The following ADARB2 variants were observed in gnomAD, a reference collection of about 807,000 sequenced individuals.
ADARB2 encodes inactive double-stranded RNA-specific editase B2.
A neutral mutation model predicts 62.2 loss-of-function variants in ADARB2; 25 were observed. The ratio of observed to expected loss-of-function variants is 0.40; its 90% CI spans 0.29 to 0.56. ADARB2 has a LOEUF of 0.56. ADARB2 is among the 20% of genes least tolerant of loss of function. ADARB2 has a pLI of 0.43. For missense variants in ADARB2, 1,071 were observed against 1,077.4 expected (o/e 0.99, Z 0.08); for synonymous variants, 572 against 500.8 (o/e 1.14, Z -1.90).
rs1831415113 is a variant in ADARB2, at chr10:1,477,343, C to T, written c.101-98183G>A. Among the ~76,000 whole-genome samples the T allele has an allele frequency of 6.6e-6, 1 of 152,156 alleles. No individual in the cohort carries two copies. The highest frequency in any genetic ancestry group is 2.1e-4 in the South Asian group (1 of 4,830). On this transcript the variant is annotated intron_variant, in intron 1 of 9. Transcript: ENST00000381312. The surrounding 1 kb of genome is among the most constrained non-coding windows in gnomAD (Gnocchi z 4.5). ...AACTGCTGGCATGACATGCTGTTCC[C>T]AAATACCTCACTCCACAAGTAGCCC...
chr10:1,367,266 G>T (rs530050869), intron 2 of ADARB2, among the ~76,000 whole-genome samples: 1 of 152,216 alleles, frequency 6.6e-6, no homozygotes, highest in Non-Finnish European at 1.5e-5. Context: ...CCTGCCGAAG[G>T]CTCTGGGCTC....
chr10:1,373,388 A>G (rs887802854), intron 2 of ADARB2, among the ~76,000 whole-genome samples: 1 of 152,142 alleles, frequency 6.6e-6, no homozygotes, highest in Admixed American at 6.6e-5. Context: ...TCACTCACTC[A>G]GACTGGAAAC....
intron 1 of ADARB2, among the ~76,000 whole-genome samples, chr10:1,564,372 A>G (rs1832828915): frequency 6.6e-6 from 1 of 152,254 alleles, no homozygotes; most frequent in Non-Finnish European, 1.5e-5. Context: ...TGTCTAAAAC[A>G]CCAAAAGCAA....
chr10:1,512,376 A>T (rs1055381360), intron 1 of ADARB2, among the ~76,000 whole-genome samples: 1 of 152,092 alleles, frequency 6.6e-6, no homozygotes. Flanking sequence ...GGATACCAAG[A>T]TGCTGATGCT....
In ADARB2 at chr10:1,379,478, T is replaced by G. The variant is rs186562023; in HGVS notation, c.101-318A>C. On this transcript the variant is annotated intron_variant, in intron 1 of 9. Coordinates refer to ENST00000381312, the MANE Select transcript of ADARB2 (RefSeq NM_018702.4). ...TTGCATCTGTTTACAAAATCCTGGG[T>G]AGGGCAGAGCCTTCTGTCGAGATCA... Among the ~76,000 whole-genome samples the G allele has an allele frequency of 1.3e-3, 199 of 152,330 alleles. 2 individuals are homozygous for G. Among genetic ancestry groups the G allele is most frequent in the Admixed American group, 7.5e-3 (115 of 15,314 alleles).
At chr10:1,695,826 GTGCA>G (rs1272859250) in intron 1 of ADARB2, among the ~76,000 whole-genome samples, 1 of 150,312 alleles carries the variant, frequency 6.7e-6, no homozygotes, top group Admixed American at 6.6e-5. Context: ...GTTTGTGAGA[GTGCA>G]TGCATGTGTG....
intron 3 of ADARB2, among the ~76,000 whole-genome samples, chr10:1,328,716 C>T (rs928051559): frequency 2.0e-5 from 3 of 152,042 alleles, no homozygotes; most frequent in African/African-American, 7.2e-5. Context: ...CAAGGCCAAG[C>T]GTAGTGGCTC....
intron 3 of ADARB2, among the ~76,000 whole-genome samples, chr10:1,308,764 G>C (rs187141001): frequency 6.6e-6 from 1 of 152,314 alleles, no homozygotes; most frequent in East Asian, 1.9e-4. Context: ...TTTTGTGGGT[G>C]ATTAGCAGGT....
At chr10:1,698,891 G>T (rs1393343190) in intron 1 of ADARB2, among the ~76,000 whole-genome samples, 3 of 152,194 alleles carry the variant, frequency 2.0e-5, no homozygotes, top group Admixed American at 6.5e-5. Flanking sequence ...CTCCTGAGTA[G>T]CTGGGATTAC....
intron 4 of ADARB2, 130 bp downstream of exon 4, chr10:1,270,825 A>T (rs965419112): frequency 1.3e-6 from 1 of 763,106 alleles, no homozygotes; most frequent in Non-Finnish European, 2.2e-6. Flanking sequence ...TGTATATGCT[A>T]TAATATTTTG....
At chr10:1,560,174 T>C (rs548113595) in intron 1 of ADARB2, among the ~76,000 whole-genome samples, 1 of 152,284 alleles carries the variant, frequency 6.6e-6, no homozygotes, top group Admixed American at 6.5e-5. Flanking sequence ...GAGAGCCAAA[T>C]GTTTGTGTTT....
At chr10:1,711,709 G>C (rs747316925) in intron 1 of ADARB2, among the ~76,000 whole-genome samples, 20 of 152,132 alleles carry the variant, frequency 1.3e-4, no homozygotes, top group Non-Finnish European at 7.4e-5. Flanking sequence ...CAAAGCTCTC[G>C]AGGCTAAAGA....
At chr10:1,634,253 A>G (rs367884104) in intron 1 of ADARB2, among the ~76,000 whole-genome samples, 1 of 152,196 alleles carries the variant, frequency 6.6e-6, no homozygotes, top group African/African-American at 2.4e-5. Flanking sequence ...CTGTGAGAAC[A>G]CTGGACATGG....
chr10:1,218,266 G>C (rs1830649576), intron 6 of ADARB2, among the ~76,000 whole-genome samples: 1 of 152,056 alleles, frequency 6.6e-6, no homozygotes, highest in Admixed American at 6.5e-5. Context: ...GGCTAGGCTG[G>C]TCTCGAACTC....
intron 1 of ADARB2, among the ~76,000 whole-genome samples, chr10:1,555,058 A>T (rs1832680823): frequency 6.6e-6 from 1 of 152,104 alleles, no homozygotes; most frequent in Non-Finnish European, 1.5e-5. Context: ...ACACGATTTC[A>T]TTCTTTTTGT....
chr10:1,692,060 A>G (rs1316479107), intron 1 of ADARB2, among the ~76,000 whole-genome samples: 2 of 152,246 alleles, frequency 1.3e-5, no homozygotes, highest in African/African-American at 2.4e-5. Flanking sequence ...AGGGCTCAAT[A>G]AACAGAATTT....
chr10:1,723,928 G>T (rs965088892), intron 1 of ADARB2, among the ~76,000 whole-genome samples: 1 of 152,160 alleles, frequency 6.6e-6, no homozygotes, highest in Non-Finnish European at 1.5e-5. Context: ...CCTTATTGAG[G>T]TAGAGATAAT....
chr10:1,478,905 C>T (rs1173899424), intron 1 of ADARB2, among the ~76,000 whole-genome samples: 1 of 152,174 alleles, frequency 6.6e-6, no homozygotes, highest in Non-Finnish European at 1.5e-5. Context: ...TGGGAACCCT[C>T]AGGTGGGAGA....
chr10:1,564,774 C>T (rs1832834912), intron 1 of ADARB2, among the ~76,000 whole-genome samples: 1 of 95,726 alleles, frequency 1.0e-5, no homozygotes, highest in Admixed American at 1.5e-4. Flanking sequence ...GGTGATTTTA[C>T]TTTTATTACC....
Sources: allele counts gnomAD v4.1 joint callset (sites outside exome capture counted in the v4.1 genomes callset), GRCh38; gene constraint gnomAD v4.1.1; non-coding constraint Gnocchi (gnomAD v3.1); transcripts MANE v1.5; gene names NCBI Gene and HGNC (gene_info 2026-07-23, HGNC 2026-07-21).